Variants in FILIP1 observed in about 807,000 individuals in gnomAD.
The protein encoded by FILIP1 is filamin-A-interacting protein 1.
FILIP1 carries 61 observed loss-of-function variants against 102.1 expected under a neutral mutation model. The observed-to-expected ratio is 0.60, with a 90% confidence interval of 0.49 to 0.74. The LOEUF (loss-of-function observed/expected upper bound fraction) is 0.74, where lower values mean the gene tolerates loss of function less well. FILIP1 is among the 30% of genes least tolerant of loss of function. The pLI is 0.00. For synonymous variants in FILIP1, 491 were observed against 526.9 expected (o/e 0.93, Z 0.93); for missense variants, 1,314 against 1,441.2 (o/e 0.91, Z 1.43).
intron 1 of FILIP1, among the ~76,000 whole-genome samples, chr6:75,422,993 T>C (rs1297668370): frequency 6.6e-6 from 1 of 152,136 alleles, no homozygotes; most frequent in African/African-American, 2.4e-5. Flanking sequence ...AACAACACAT[T>C]TGTTCCAGGA....
chr6:75,382,123 T>C (rs1027296209), intron 2 of FILIP1, among the ~76,000 whole-genome samples: 2 of 152,238 alleles, frequency 1.3e-5, no homozygotes, highest in East Asian at 3.8e-4. Flanking sequence ...CATAACTTGA[T>C]TGGCTTCTCA....
intron 1 of FILIP1, among the ~76,000 whole-genome samples, chr6:75,434,070 C>T (rs528591994): frequency 6.6e-6 from 1 of 152,238 alleles, no homozygotes; most frequent in East Asian, 1.9e-4. Context: ...GTACCAGTAC[C>T]ATGCTGTTTT....
At chr6:75,436,468 A>G (rs1778025682) in intron 1 of FILIP1, among the ~76,000 whole-genome samples, 1 of 152,218 alleles carries the variant, frequency 6.6e-6, no homozygotes. Flanking sequence ...TTCTAGGAAC[A>G]GGAGATCTAG....
chr6:75,452,169 T>C (rs1778654758), intron 1 of FILIP1, among the ~76,000 whole-genome samples: 1 of 152,094 alleles, frequency 6.6e-6, no homozygotes. Context: ...GCAGGTTTGT[T>C]ACATATGTAT....
chr6:75,441,522 G>T (rs1312680893), intron 1 of FILIP1, among the ~76,000 whole-genome samples: 2 of 152,008 alleles, frequency 1.3e-5, no homozygotes, highest in Non-Finnish European at 2.9e-5. Context: ...GGTGGTGGCC[G>T]GGTAGAGGGG....
intron 5 of FILIP1, among the ~76,000 whole-genome samples, chr6:75,311,669 G>A (rs369058547): frequency 7.2e-5 from 11 of 151,822 alleles, no homozygotes; most frequent in African/African-American, 2.7e-4. Flanking sequence ...GCTAATTTTT[G>A]TATTTTTAGT....
chr6:75,334,760 C>T (rs1245506670), intron 4 of FILIP1: 2 of 152,090 alleles, frequency 1.3e-5, no homozygotes, highest in Admixed American at 6.6e-5. Flanking sequence ...GGGAATTAAC[C>T]GTCACATTCC....
At chr6:75,372,635 AAG>A (rs1389518926) in intron 2 of FILIP1, among the ~76,000 whole-genome samples, 1 of 59,780 alleles carries the variant, frequency 1.7e-5, no homozygotes, top group Non-Finnish European at 3.1e-5. Context: ...GAAAGAAAGA[AAG>A]AAAGAAAGAA....
chr6:75,364,941 T>C (rs1350014630), intron 2 of FILIP1, among the ~76,000 whole-genome samples: 1 of 152,184 alleles, frequency 6.6e-6, no homozygotes, highest in Non-Finnish European at 1.5e-5. Context: ...GACAAACTCG[T>C]CTTTAAAGAA....
intron 4 of FILIP1, among the ~76,000 whole-genome samples, chr6:75,348,500 G>A (rs551974750): frequency 6.6e-6 from 1 of 152,166 alleles, no homozygotes; most frequent in Non-Finnish European, 1.5e-5. Flanking sequence ...AACAAATTAT[G>A]ATCACAGTTT....
intron 1 of FILIP1, among the ~76,000 whole-genome samples, chr6:75,471,844 A>G (rs577993168): frequency 1.9e-4 from 29 of 152,304 alleles, no homozygotes; most frequent in Non-Finnish European, 2.4e-4. Context: ...ACATACATAG[A>G]TATCTCTTCT....
chr6:75,386,430 C>T (rs918471218), intron 2 of FILIP1: 5 of 152,176 alleles, frequency 3.3e-5, no homozygotes, highest in South Asian at 4.1e-4. Context: ...AGCATGTAGT[C>T]TGAAGCCTTT....
intron 2 of FILIP1, among the ~76,000 whole-genome samples, chr6:75,406,737 G>A (rs935024560): frequency 3.3e-4 from 49 of 147,158 alleles, no homozygotes; most frequent in Admixed American, 3.2e-3. Flanking sequence ...TCGGCTCACT[G>A]CAACCTCCGC....
chr6:75,295,775 A>G, exon 7 of FILIP1: 1 of 508,582 alleles, frequency 2.0e-6, no homozygotes, highest in Non-Finnish European at 3.1e-6. Context: ...ATCCTTAAAA[A>G]AAAATCACTG....
chr6:75,355,732 A>G (rs537926648), intron 3 of FILIP1, among the ~76,000 whole-genome samples: 1 of 152,328 alleles, frequency 6.6e-6, no homozygotes, highest in South Asian at 2.1e-4. Context: ...TAAAGAGATC[A>G]TGCCTTGATC....
chr6:75,474,221 T>C (rs1779411021), intron 1 of FILIP1, among the ~76,000 whole-genome samples: 1 of 152,230 alleles, frequency 6.6e-6, no homozygotes, highest in Non-Finnish European at 1.5e-5. Context: ...TATTATTTTA[T>C]TAATATCATT....
At chr6:75,366,528 C>T (rs1186213820) in intron 2 of FILIP1, among the ~76,000 whole-genome samples, 1 of 152,172 alleles carries the variant, frequency 6.6e-6, no homozygotes, top group Non-Finnish European at 1.5e-5. Context: ...GCTAACCTTG[C>T]TTTGACCTAA....
rs763993821 is a variant in FILIP1 at position 75,314,010 on chromosome 6, T to C, written c.1822A>G (p.Arg608Gly). 6.4e-7 allele frequency: 1 copy of C among 1,554,486 alleles called. No individual in the cohort carries two copies. The highest frequency in any genetic ancestry group is 2.0e-5 in the Admixed American group (1 of 48,784). ...KRLDGIEEVE[R>G]EITRGRSRKG... ...CGTGACCTTCCTCTTGTTATTTCTCTTTCCACTTCCTCTATACCATCAAGT... is the reference window on the plus strand; with the variant it reads ...CGTGACCTTCCTCTTGTTATTTCTCCTTCCACTTCCTCTATACCATCAAGT... The change falls in exon 5 of 6, where the codon AGA becomes GGA. Residue 608 changes from arginine (R) to glycine (G), a missense_variant. Around this residue, in one of 3 missense-constraint regions of FILIP1, gnomAD observed 816 missense variants for 913.1 expected, o/e 0.89. Coordinates refer to ENST00000237172, the MANE Select transcript of FILIP1 (RefSeq NM_015687.5).
chr6:75,420,286 CA>C (rs1207025218), intron 1 of FILIP1, among the ~76,000 whole-genome samples: 1 of 147,616 alleles, frequency 6.8e-6, no homozygotes, highest in Non-Finnish European at 1.5e-5. Flanking sequence ...GAAAAATTTC[CA>C]GAAAAAAAAA....
Sources: gnomAD v4.1 joint callset for allele counts (sites outside exome capture counted in the v4.1 genomes callset) on GRCh38, gnomAD v4.1.1 for gene constraint, gnomAD v4.1.1 regional missense constraint, MANE v1.5 for transcripts, NCBI Gene and HGNC (gene_info 2026-07-23, HGNC 2026-07-21) for gene names.